DCC: variants seen among roughly 807,000 people sequenced by gnomAD.
DCC encodes the protein DCC netrin 1 receptor.
A neutral mutation model predicts 172.5 loss-of-function variants in DCC; 58 were observed. The observed-to-expected ratio is 0.34, with a 90% CI of 0.27 to 0.42. DCC has a LOEUF of 0.42. Among genes scored for constraint, DCC ranks in the 10% least tolerant of loss-of-function variants. DCC has a pLI of 1.00. For missense variants in DCC, 1,740 were observed against 1,791.0 expected (o/e 0.97, Z 0.51); for synonymous variants, 709 against 644.5 (o/e 1.10, Z -1.52).
intron 1 of DCC, among the ~76,000 whole-genome samples, chr18:52,588,382 C>A (rs1328785181): frequency 2.0e-5 from 3 of 152,152 alleles, no homozygotes; most frequent in Non-Finnish European, 4.4e-5. Flanking sequence ...TCAAAACTGG[C>A]AGCCTTTCAG....
In DCC at chr18:53,460,788, A is replaced by G. The variant is rs1479769039; in HGVS notation, c.3619+1330A>G. On this transcript the variant is annotated intron_variant, in intron 24 of 28. Coordinates refer to ENST00000442544, the MANE Select transcript of DCC (RefSeq NM_005215.4). ...CAGCACGATTTATAGTCCTTTGGGT[A>G]TATCCCCAGTAATGGGATGCCTGGG... is the stretch of plus-strand genomic sequence containing the variant. Among the ~76,000 whole-genome samples the G allele has an allele frequency of 4.6e-5, 7 of 152,160 alleles. No homozygotes were observed. In the South Asian group the frequency reaches 6.2e-4, roughly 14 times the overall value.
At chr18:52,815,711 A>G (rs985966746) in intron 2 of DCC, among the ~76,000 whole-genome samples, 4 of 152,234 alleles carry the variant, frequency 2.6e-5, no homozygotes, top group Non-Finnish European at 5.9e-5. Flanking sequence ...TAATTATTGT[A>G]TTTGAGGCAT....
intron 5 of DCC, chr18:52,931,811 G>C (rs1256537800): frequency 1.3e-5 from 2 of 152,008 alleles, no homozygotes; most frequent in African/African-American, 4.8e-5. Flanking sequence ...AGTATTGGTG[G>C]ACACCTTTTG....
intron 1 of DCC, among the ~76,000 whole-genome samples, chr18:52,532,302 A>G (rs1420003953): frequency 6.6e-6 from 1 of 152,200 alleles, no homozygotes; most frequent in African/African-American, 2.4e-5. Context: ...TCAAAGTTAT[A>G]TCTATTAAAT....
chr18:52,657,080 A>G (rs2035269561), intron 1 of DCC, among the ~76,000 whole-genome samples: 4 of 152,200 alleles, frequency 2.6e-5, no homozygotes, highest in South Asian at 4.1e-4. Context: ...ACACTGCAAT[A>G]TACAAGATTA....
chr18:52,520,464 T>C (rs975233128), intron 1 of DCC, among the ~76,000 whole-genome samples: 3 of 152,154 alleles, frequency 2.0e-5, no homozygotes, highest in Admixed American at 6.5e-5. Flanking sequence ...GTGGAAACCA[T>C]TGTTGATCAT....
At chr18:53,146,970 A>G (rs1199515021) in intron 7 of DCC, among the ~76,000 whole-genome samples, 1 of 152,208 alleles carries the variant, frequency 6.6e-6, no homozygotes, top group African/African-American at 2.4e-5. Flanking sequence ...AAAAAGACCC[A>G]TCTTTTCTAG....
chr18:52,819,810 C>CT (rs1487229079), intron 2 of DCC, among the ~76,000 whole-genome samples: 1 of 152,070 alleles, frequency 6.6e-6, no homozygotes, highest in Non-Finnish European at 1.5e-5. Flanking sequence ...GCTCCGCCTC[C>CT]TGGGTTCATG....
At chr18:52,780,133 A>C (rs2037509190) in intron 2 of DCC, among the ~76,000 whole-genome samples, 1 of 152,046 alleles carries the variant, frequency 6.6e-6, no homozygotes, top group African/African-American at 2.4e-5. Flanking sequence ...GTTCATTTCT[A>C]GTACATCATA....
chr18:52,463,546 A>T (rs1305709759), intron 1 of DCC, among the ~76,000 whole-genome samples: 1 of 152,218 alleles, frequency 6.6e-6, no homozygotes, highest in African/African-American at 2.4e-5. Flanking sequence ...AGGCTTAAGA[A>T]GGTAAAACAA....
intron 15 of DCC, among the ~76,000 whole-genome samples, chr18:53,343,058 T>C (rs767194021): frequency 9.2e-5 from 14 of 151,592 alleles, no homozygotes; most frequent in Non-Finnish European, 1.9e-4. Context: ...TACCTATATA[T>C]TCCATTAGTT....
chr18:52,804,523 G>A (rs1215453809), intron 2 of DCC, among the ~76,000 whole-genome samples: 1 of 152,112 alleles, frequency 6.6e-6, no homozygotes, highest in African/African-American at 2.4e-5. Context: ...AAAAAAGTTT[G>A]GTAATTTCCC....
At chr18:53,219,266 C>T (rs1285141165) in intron 12 of DCC, among the ~76,000 whole-genome samples, 1 of 152,070 alleles carries the variant, frequency 6.6e-6, no homozygotes, top group African/African-American at 2.4e-5. Flanking sequence ...GATAGAGAAT[C>T]TCTAAAATCT....
intron 21 of DCC, among the ~76,000 whole-genome samples, chr18:53,419,712 T>C (rs1910525175): frequency 6.6e-6 from 1 of 152,126 alleles, no homozygotes; most frequent in Non-Finnish European, 1.5e-5. Flanking sequence ...AGGTATTGTC[T>C]CCATTTTAGC....
At chr18:52,438,830 A>G (rs560899195) in intron 1 of DCC, among the ~76,000 whole-genome samples, 14 of 152,180 alleles carry the variant, frequency 9.2e-5, no homozygotes, top group Non-Finnish European at 1.8e-4. Flanking sequence ...GTGTTATGCA[A>G]TAAGAGGGCT....
At chr18:52,940,985 T>C (rs540405692) in intron 5 of DCC, 1 of 152,262 alleles carries the variant, frequency 6.6e-6, no homozygotes, top group African/African-American at 2.4e-5. Flanking sequence ...AAAGGTTAAC[T>C]GAAATGATCA....
intron 1 of DCC, among the ~76,000 whole-genome samples, chr18:52,630,136 C>T (rs1476445123): frequency 6.6e-6 from 1 of 151,890 alleles, no homozygotes; most frequent in Non-Finnish European, 1.5e-5. Context: ...AGAAAGGATA[C>T]TTTAATAAAA....
At chr18:53,067,893 G>A (rs2042596493) in intron 7 of DCC, among the ~76,000 whole-genome samples, 1 of 152,168 alleles carries the variant, frequency 6.6e-6, no homozygotes, top group Non-Finnish European at 1.5e-5. Flanking sequence ...CATTTAAAAT[G>A]TGCCTATTAA....
intron 22 of DCC, among the ~76,000 whole-genome samples, chr18:53,444,443 G>A (rs1021870096): frequency 6.6e-6 from 1 of 152,142 alleles, no homozygotes; most frequent in Non-Finnish European, 1.5e-5. Context: ...AGATTGCAAT[G>A]AGCTGAGATC....
Sources: gnomAD v4.1 joint callset for allele counts (sites outside exome capture counted in the v4.1 genomes callset) on GRCh38, gnomAD v4.1.1 for gene constraint, MANE v1.5 for transcripts, NCBI Gene and HGNC (gene_info 2026-07-23, HGNC 2026-07-21) for gene names.